The following CUX1 variants were observed in gnomAD, a reference collection of about 807,000 sequenced individuals.
CUX1 encodes cut like homeobox 1.
In CUX1, 31 loss-of-function variants were observed where a neutral mutation model predicts 158.8. The observed-to-expected ratio is 0.20, with a 90% confidence interval of 0.15 to 0.26. CUX1 has a LOEUF of 0.26. CUX1 is among the 10% of genes least tolerant of loss of function. The pLI is 1.00. For synonymous variants in CUX1, 879 were observed against 862.1 expected, an observed-to-expected ratio of 1.02 and a Z score of -0.34; for missense variants, 1,589 against 2,014.6, an observed-to-expected ratio of 0.79 and a Z score of 4.04.
intron 2 of CUX1, among the ~76,000 whole-genome samples, chr7:102,008,876 C>T (rs1817676010): frequency 6.6e-6 from 1 of 152,154 alleles, no homozygotes; most frequent in Non-Finnish European, 1.5e-5. Flanking sequence ...CTGGTGGGCA[C>T]AGATGTAGGT....
At chr7:101,913,716 C>T (rs189855641) in intron 1 of CUX1, among the ~76,000 whole-genome samples, 86 of 152,300 alleles carry the variant, frequency 5.6e-4, no homozygotes, top group Admixed American at 2.2e-3. Context: ...GCCCCCAGCA[C>T]CCCCACCCTG....
chr7:101,860,713 C>T (rs1384578402), intron 1 of CUX1, among the ~76,000 whole-genome samples: 1 of 151,428 alleles, frequency 6.6e-6, no homozygotes, highest in Non-Finnish European at 1.5e-5. Context: ...TTTATCCTCT[C>T]TCTCTTTTAT....
chr7:102,234,633 T>C (rs782436972), intron 22 of CUX1, among the ~76,000 whole-genome samples: 1 of 151,946 alleles, frequency 6.6e-6, no homozygotes, highest in African/African-American at 2.4e-5. Flanking sequence ...GAAATGCATT[T>C]TGTAGGCAGG....
At chr7:102,262,997 T>C (rs184685033), downstream of CUX1, among the ~76,000 whole-genome samples, 4 of 141,190 alleles carry the variant, frequency 2.8e-5, no homozygotes, top group Admixed American at 3.2e-4. Flanking sequence ...GAAGAGCAAG[T>C]GAAAAGGGTT....
At chr7:102,073,015 A>T (rs67245174) in intron 4 of CUX1, among the ~76,000 whole-genome samples, 1 of 151,816 alleles carries the variant, frequency 6.6e-6, no homozygotes, top group African/African-American at 2.4e-5. Context: ...CACTTCTGGG[A>T]GCAGGATCCC....
chr7:102,197,350 A>T (rs782809213), intron 15 of CUX1, 45 bp downstream of exon 15: 1 of 1,585,220 alleles, frequency 6.3e-7, no homozygotes, highest in South Asian at 1.1e-5. Flanking sequence ...AGCCCGTCAC[A>T]GAGTTGCACA....
intron 21 of CUX1, among the ~76,000 whole-genome samples, chr7:102,232,320 G>A (rs528912920): frequency 1.0e-3 from 155 of 152,022 alleles, no homozygotes; most frequent in African/African-American, 3.6e-3. Context: ...GTTTCTTTAG[G>A]GAAAAAAATT....
intron 8 of CUX1, among the ~76,000 whole-genome samples, chr7:102,143,646 A>T (rs952022569): frequency 2.0e-5 from 3 of 152,134 alleles, no homozygotes; most frequent in African/African-American, 4.8e-5. Flanking sequence ...TCTTATAGAG[A>T]TGTGCTCTTT....
intron 2 of CUX1, among the ~76,000 whole-genome samples, chr7:102,011,497 C>A (rs58598138): frequency 1.3e-5 from 2 of 151,686 alleles, no homozygotes; most frequent in African/African-American, 2.4e-5. Flanking sequence ...ATTCTCCTGC[C>A]TCAGCCTCCC....
chr7:102,176,807 G>T (rs998703569), intron 10 of CUX1, among the ~76,000 whole-genome samples: 1 of 151,584 alleles, frequency 6.6e-6, no homozygotes, highest in Non-Finnish European at 1.5e-5. Flanking sequence ...TCTTGAGCTC[G>T]GGTGATCCAC....
At chr7:101,954,123 A>G (rs1490430246) in intron 2 of CUX1, among the ~76,000 whole-genome samples, 1 of 152,154 alleles carries the variant, frequency 6.6e-6, no homozygotes, top group East Asian at 1.9e-4. Context: ...ACACGAGTTT[A>G]TGTGTCTGAG....
At chr7:102,022,384 G>T (rs1819478486) in intron 2 of CUX1, among the ~76,000 whole-genome samples, 1 of 152,124 alleles carries the variant, frequency 6.6e-6, no homozygotes, top group African/African-American at 2.4e-5. Context: ...CTGGGAGGCT[G>T]ATGTGGGTGG....
intron 1 of CUX1, among the ~76,000 whole-genome samples, chr7:101,862,953 A>G (rs968506968): frequency 4.6e-5 from 7 of 152,124 alleles, no homozygotes; most frequent in African/African-American, 1.7e-4. Flanking sequence ...AAACAGAAGA[A>G]GATCATGAAT....
At chr7:102,107,132 G>A (rs1830442026) in intron 6 of CUX1, among the ~76,000 whole-genome samples, 2 of 152,216 alleles carry the variant, frequency 1.3e-5, no homozygotes, top group Non-Finnish European at 1.5e-5. Flanking sequence ...TACTTGGGAG[G>A]CTGAGGCAGG....
At chr7:101,996,659 C>G (rs1563107555) in intron 2 of CUX1, among the ~76,000 whole-genome samples, 1 of 149,488 alleles carries the variant, frequency 6.7e-6, no homozygotes, top group African/African-American at 2.5e-5. Context: ...CCCTCCCTCC[C>G]TCCCTCCATC....
intron 2 of CUX1, chr7:101,960,088 C>T (rs1810289319): frequency 6.6e-6 from 1 of 152,102 alleles, no homozygotes; most frequent in African/African-American, 2.4e-5. Flanking sequence ...CCGTTCGGTG[C>T]TTTTTTCATC....
intron 2 of CUX1, among the ~76,000 whole-genome samples, chr7:101,982,770 G>A (rs898733303): frequency 6.6e-6 from 1 of 151,572 alleles, no homozygotes; most frequent in African/African-American, 2.4e-5. Context: ...TGTGCACAAC[G>A]TGCAGGTTTG....
chr7:101,874,820 G>C (rs1366442229), intron 1 of CUX1, among the ~76,000 whole-genome samples: 1 of 152,188 alleles, frequency 6.6e-6, no homozygotes, highest in East Asian at 1.9e-4. Context: ...TACCATTGAA[G>C]ACAATTGCAC....
At chr7:101,953,424 T>C (rs1563055102) in intron 2 of CUX1, among the ~76,000 whole-genome samples, 1 of 152,242 alleles carries the variant, frequency 6.6e-6, no homozygotes. Context: ...TTGTTCGGCC[T>C]TCTCGTTGAT....
Sources: gnomAD v4.1 joint callset for allele counts (sites outside exome capture counted in the v4.1 genomes callset) on GRCh38, gnomAD v4.1.1 for gene constraint, MANE v1.5 for transcripts, NCBI Gene and HGNC (gene_info 2026-07-23, HGNC 2026-07-21) for gene names.